FOXK1: variants seen among roughly 807,000 people sequenced by gnomAD.
FOXK1 encodes the protein forkhead box K1, also known as forkhead box protein K1.
In FOXK1, 19 loss-of-function variants were observed where a neutral mutation model predicts 51.9. The observed-to-expected ratio is 0.37, with a 90% confidence interval of 0.26 to 0.54. FOXK1 has a LOEUF of 0.54. Among genes scored for constraint, FOXK1 ranks in the 20% least tolerant of loss-of-function variants. The pLI, the probability that FOXK1 is intolerant of heterozygous loss-of-function variation, is 0.87. For synonymous variants in FOXK1, 537 were observed against 482.6 expected (o/e 1.11, Z -1.48); for missense variants, 870 against 1,032.7 (o/e 0.84, Z 2.16).
intron 1 of FOXK1, among the ~76,000 whole-genome samples, chr7:4,698,078 G>T (rs1779975908): frequency 6.6e-6 from 1 of 152,082 alleles, no homozygotes; most frequent in Admixed American, 6.5e-5. Flanking sequence ...TCCTGCCTTG[G>T]CCTCCCAAAG....
rs551588790 is a variant in FOXK1 at position 4,747,268 on chromosome 7, C to T, written c.746+6245C>T. Among the ~76,000 whole-genome samples the T allele has an allele frequency of 3.4e-4, 52 of 151,068 alleles. No individual in the cohort carries two copies. Among genetic ancestry groups the T allele is most frequent in the Admixed American group, 5.3e-4 (8 of 15,164 alleles). Reference sequence around the variant, plus strand: ...TGTTACGCACGAGGACAGCCCTTTCCGGGTTCCATGAGCCTCAGGGGAAGC... The same window carrying T: ...TGTTACGCACGAGGACAGCCCTTTCTGGGTTCCATGAGCCTCAGGGGAAGC... On this transcript the variant is annotated intron_variant, in intron 2 of 8. Coordinates refer to ENST00000328914, the MANE Select transcript of FOXK1 (RefSeq NM_001037165.2). The surrounding 1 kb of genome is among the most constrained non-coding windows in gnomAD (Gnocchi z 9.2).
chr7:4,686,058 T>C (rs546944617), intron 1 of FOXK1, among the ~76,000 whole-genome samples: 1 of 152,372 alleles, frequency 6.6e-6, no homozygotes, highest in South Asian at 2.1e-4. Context: ...GCGTAAGTTT[T>C]TGTCACCCTG....
intron 1 of FOXK1, among the ~76,000 whole-genome samples, chr7:4,726,999 C>CA (rs1223999936): frequency 6.6e-6 from 1 of 152,104 alleles, no homozygotes; most frequent in African/African-American, 2.4e-5. Context: ...GGTTGGAGTG[C>CA]AGTGGCACAA....
intron 2 of FOXK1, among the ~76,000 whole-genome samples, 194 bp from the exon 3 acceptor site, chr7:4,754,265 A>G (rs1370267800): frequency 6.6e-6 from 1 of 152,174 alleles, no homozygotes; most frequent in Non-Finnish European, 1.5e-5. Flanking sequence ...ACTGGAAGGA[A>G]ACTTGCCTGC....
In FOXK1 at chr7:4,742,242, G is replaced by A. The variant is rs544096861; in HGVS notation, c.746+1219G>A. ...ACCCTGAAAGGGGCTCAGGGCCCTC[G>A]GGGACATCTGTGAAGCACGCTCTGG... On this transcript the variant is annotated intron_variant, in intron 2 of 8. Coordinates refer to ENST00000328914, the MANE Select transcript of FOXK1 (RefSeq NM_001037165.2). 3.9e-5 allele frequency among the ~76,000 whole-genome samples: 6 copies of A among 152,326 alleles called. No homozygotes were observed. In the East Asian group the frequency reaches 5.8e-4, roughly 15 times the overall value.
intron 2 of FOXK1, among the ~76,000 whole-genome samples, chr7:4,751,584 G>A (rs377655682): frequency 6.6e-6 from 1 of 152,176 alleles, no homozygotes; most frequent in Non-Finnish European, 1.5e-5. Context: ...GCCTGGTATC[G>A]GGGGCCTTGG....
At position 4,733,539 on chromosome 7, in the gene FOXK1, C is replaced by T. The variant is rs1341064830; in HGVS notation, c.561-7299C>T. Among the ~76,000 whole-genome samples, 1 of 152,154 alleles carries T rather than the reference C, an allele frequency of 6.6e-6. No homozygotes were observed. Among genetic ancestry groups the T allele is most frequent in the East Asian group, 1.9e-4 (1 of 5,198 alleles). ...CATGACCCATTTGTATCCCATTGAC[C>T]AGCTCATAGTCTCATGGTTGCAAGA... On this transcript the variant is annotated intron_variant, in intron 1 of 8. Transcript: ENST00000328914. The surrounding 1 kb of genome is among the most constrained non-coding windows in gnomAD (Gnocchi z 5.0).
In FOXK1 at chr7:4,766,364, T is replaced by C. The variant is rs1194263183; in HGVS notation, c.*3900T>C. The C allele has an allele frequency of 6.6e-6, 1 of 152,136 alleles. No homozygotes were observed. Among genetic ancestry groups the C allele is most frequent in the South Asian group, 2.1e-4 (1 of 4,830 alleles). 9.4% of individuals were successfully genotyped at this position (152,136 alleles called of 1,614,324 possible). On this transcript the variant is annotated 3_prime_UTR_variant, in exon 9 of 9. Coordinates refer to ENST00000328914, the MANE Select transcript of FOXK1 (RefSeq NM_001037165.2). This position sits in a 1 kb window ranked among gnomAD's most constrained non-coding sequence, Gnocchi z 5.5. ...CCCTCAGGTCCCTATCCAGAGACCC[T>C]CCAGGCAGTGCTGGGAAGACACTGG...
intron 1 of FOXK1, among the ~76,000 whole-genome samples, chr7:4,728,388 A>G (rs1340074239): frequency 6.6e-6 from 1 of 152,190 alleles, no homozygotes; most frequent in African/African-American, 2.4e-5. Flanking sequence ...GCTGCTGTTG[A>G]GCATTAAGCT....
chr7:4,693,431 T>C (rs565678296), intron 1 of FOXK1, among the ~76,000 whole-genome samples: 24 of 152,370 alleles, frequency 1.6e-4, no homozygotes, highest in Non-Finnish European at 3.2e-4. Flanking sequence ...AATAAAGTTA[T>C]ATAATTTAGT....
chr7:4,753,546 C>T lies in FOXK1; in HGVS notation c.747-913C>T, dbSNP rs1202929407. ...CATCACAGGTGGGCAGGGTCCATCTCAGGACGGGGCTAGGTGGGTGCCCGT... is the reference window on the plus strand; with the variant it reads ...CATCACAGGTGGGCAGGGTCCATCTTAGGACGGGGCTAGGTGGGTGCCCGT... On this transcript the variant is annotated intron_variant, in intron 2 of 8. Transcript: ENST00000328914. The surrounding 1 kb of genome is among the most constrained non-coding windows in gnomAD (Gnocchi z 4.9). Among the ~76,000 whole-genome samples, 1 of 152,158 alleles carries T rather than the reference C, an allele frequency of 6.6e-6. No homozygotes were observed. The highest frequency in any genetic ancestry group is 6.5e-5 in the Admixed American group (1 of 15,278).
intron 1 of FOXK1, among the ~76,000 whole-genome samples, chr7:4,689,028 G>T (rs995328219): frequency 4.0e-5 from 6 of 151,148 alleles, no homozygotes; most frequent in Admixed American, 4.0e-4. Flanking sequence ...CCAGGCTGGA[G>T]TGCAGTGGCA....
rs2115048753 is a variant in FOXK1 at position 4,722,617 on chromosome 7, ACT to A, written c.561-18219_561-18218del. Among the ~76,000 whole-genome samples the A allele has an allele frequency of 6.6e-6, 1 of 152,302 alleles. No individual in the cohort carries two copies. The highest frequency in any genetic ancestry group is 1.9e-4 in the East Asian group (1 of 5,176). ...GGGCACACATGCACGTCAGCCGCAC[ACT>A]CATGCACGTTCATGTGCTGTCTCTA... On this transcript the variant is annotated intron_variant, in intron 1 of 8. Transcript: ENST00000328914. This position sits in a 1 kb window ranked among gnomAD's most constrained non-coding sequence, Gnocchi z 5.1.
chr7:4,758,886 TG>T lies in FOXK1; in HGVS notation c.1245-162del. On this transcript the variant is annotated intron_variant, in intron 5 of 8. Transcript: ENST00000328914. The surrounding 1 kb of genome is among the most constrained non-coding windows in gnomAD (Gnocchi z 4.4). ...CCCACTCAAATGGAGTTTTAAAGGC[TG>T]GGTTCAGGTTACGGGGGCGTTTCTC... 1 of 684,304 alleles carries T rather than the reference TG, an allele frequency of 1.5e-6. No individual in the cohort carries two copies. Among genetic ancestry groups the T allele is most frequent in the Non-Finnish European group, 2.4e-6 (1 of 417,566 alleles). The allele number at this position is 684,304 out of a possible 1,614,324, so 42.4% of individuals were successfully genotyped here.
In FOXK1 at chr7:4,759,055, G is replaced by T; in HGVS notation, c.1249G>T (p.Ala417Ser). Residue 417 changes from alanine (A) to serine (S), a missense_variant, in exon 6 of 9, where the codon GCT (alanine) becomes TCT (serine). By Grantham distance (99) the Ala-to-Ser change is moderately conservative. This residue lies in a region of FOXK1 where 457 missense variants were observed against 510.8 expected (regional missense o/e 0.89). Coordinates refer to ENST00000328914, the MANE Select transcript of FOXK1 (RefSeq NM_001037165.2). ...TPFGPLSSRS[A>S]PASPTHPGLM... ...CGGCCCTTGCCTGTCTTCCAGGAGC[G>T]CTCCAGCTTCGCCCACACACCCCGG... The T allele has an allele frequency of 1.3e-6, 2 of 1,592,222 alleles. No individual in the cohort carries two copies.
At position 4,682,608 on chromosome 7, in the gene FOXK1, G is replaced by C; in HGVS notation, c.300G>C (p.Gln100His). 1 of 1,488,336 alleles carries C rather than the reference G, an allele frequency of 6.7e-7. No individual in the cohort carries two copies. 92.2% of individuals were successfully genotyped at this position (1,488,336 alleles called of 1,614,324 possible). A position where few individuals can be genotyped will look rare whatever the true frequency, so the allele number is the denominator to read the frequency against. Residue 100 changes from glutamine (Q) to histidine (H), a missense_variant, in exon 1 of 9, where the codon CAG becomes CAC. Gln to His is a conservative substitution (Grantham distance 24, BLOSUM62 0). This residue lies in a region of FOXK1 where 399 missense variants were observed against 475.6 expected (regional missense o/e 0.84). Coordinates refer to ENST00000328914, the MANE Select transcript of FOXK1 (RefSeq NM_001037165.2). The surrounding 1 kb of genome is among the most constrained non-coding windows in gnomAD (Gnocchi z 7.6). ...LVAAAAASVRQSPGPALARLE... is the reference protein window; with the variant it reads ...LVAAAAASVRHSPGPALARLE... ...CCGCGGCGGCCGCCTCGGTACGGCA[G>C]AGCCCGGGGCCGGCGCTGGCGCGGC... is the stretch of plus-strand genomic sequence containing the variant.
In FOXK1 at chr7:4,755,253, C is replaced by T. The variant is rs370103596; in HGVS notation, c.920C>T (p.Pro307Leu). The change falls in exon 4 of 9, where the codon CCG becomes CTG. Residue 307 changes from proline to leucine, a missense_variant. Pro to Leu is a moderately conservative substitution (Grantham distance 98, BLOSUM62 -3). Around this residue, in one of 3 missense-constraint regions of FOXK1, gnomAD observed 399 missense variants for 475.6 expected, o/e 0.84. Coordinates refer to ENST00000328914, the MANE Select transcript of FOXK1 (RefSeq NM_001037165.2). This position sits in a 1 kb window ranked among gnomAD's most constrained non-coding sequence, Gnocchi z 6.6. ...GDSPKDESKPPFSYAQLIVQA... is the reference protein window; with the variant it reads ...GDSPKDESKPLFSYAQLIVQA... ...TCTCCGCAGGATGAGTCAAAGCCGC[C>T]GTTCTCCTACGCGCAGCTGATCGTG... is the stretch of plus-strand genomic sequence containing the variant. 5.6e-6 allele frequency: 9 copies of T among 1,613,852 alleles called. No individual in the cohort carries two copies. Among genetic ancestry groups the T allele is most frequent in the African/African-American group, 1.3e-5 (1 of 74,934 alleles).
intron 1 of FOXK1, among the ~76,000 whole-genome samples, chr7:4,702,801 C>G (rs543365125): frequency 1.3e-5 from 2 of 152,332 alleles, no homozygotes; most frequent in African/African-American, 4.8e-5. Context: ...GTGTAGCCCC[C>G]CATCCTGGAC....
chr7:4,724,182 TTGGG>T (rs1562379461), intron 1 of FOXK1, among the ~76,000 whole-genome samples: 1 of 151,952 alleles, frequency 6.6e-6, no homozygotes, highest in Non-Finnish European at 1.5e-5. Flanking sequence ...AGTTTGTGTT[TTGGG>T]GGTGGTTGTT....
Sources: gnomAD v4.1 joint callset for allele counts (sites outside exome capture counted in the v4.1 genomes callset) on GRCh38, gnomAD v4.1.1 for gene constraint, gnomAD v4.1.1 regional missense constraint, Gnocchi (gnomAD v3.1) non-coding constraint, MANE v1.5 for transcripts, NCBI Gene and HGNC (gene_info 2026-07-23, HGNC 2026-07-21) for gene names.